FTO: variants seen among roughly 807,000 people sequenced by gnomAD.
FTO encodes alpha-ketoglutarate-dependent dioxygenase FTO.
FTO carries 47 observed loss-of-function variants against 63.9 expected under a neutral mutation model. The ratio of observed to expected loss-of-function variants is 0.74; its 90% confidence interval spans 0.58 to 0.94. The LOEUF is 0.94. Among genes scored for constraint, FTO ranks in the 40% least tolerant of loss-of-function variants. The probability of loss-of-function intolerance (pLI) is 0.00; values close to 1 mark genes in which losing one functional copy is unlikely to be tolerated. For missense variants in FTO, 562 were observed against 618.1 expected, an observed-to-expected ratio of 0.91 and a Z score of 0.96; for synonymous variants, 207 against 224.4, an observed-to-expected ratio of 0.92 and a Z score of 0.69.
At chr16:53,767,338 G>A (rs2077232675) in intron 1 of FTO, among the ~76,000 whole-genome samples, 1 of 152,066 alleles carries the variant, frequency 6.6e-6, no homozygotes, top group Non-Finnish European at 1.5e-5. Flanking sequence ...TTTCTTATTA[G>A]TAGCAGTAGA....
chr16:54,074,913 AGAGAGTGTGTGTGT>A lies in FTO; in HGVS notation c.1365-36847_1365-36834del, dbSNP rs1381461100. Reference sequence around the variant, plus strand: ...GAAAGAGGGAGAGAGAGAGAGAGAGAGAGAGTGTGTGTGTGTGTGTGTGTGTGTGTGTGTGTGTG... The same window carrying A: ...GAAAGAGGGAGAGAGAGAGAGAGAGAGTGTGTGTGTGTGTGTGTGTGTGTG... On this transcript the variant is annotated intron_variant, in intron 8 of 8. Transcript: ENST00000471389. Among the ~76,000 whole-genome samples the A allele has an allele frequency of 2.6e-4, 32 of 125,162 alleles. No homozygotes were observed. In the East Asian group the frequency reaches 3.6e-3, roughly 14 times the overall value. The allele number at this position is 125,162 out of a possible 152,430, so 82.1% of individuals were successfully genotyped here. A position where few individuals can be genotyped will look rare whatever the true frequency, so the allele number is the denominator to read the frequency against.
intron 8 of FTO, among the ~76,000 whole-genome samples, chr16:53,952,861 G>A (rs550747372): frequency 2.5e-4 from 38 of 152,334 alleles, no homozygotes; most frequent in African/African-American, 7.0e-4. Flanking sequence ...GCTCAAGCAG[G>A]TGAGAATTCT....
rs2077686945 is a variant in FTO, at chr16:53,784,734, G to A, written c.46-25406G>A. Among the ~76,000 whole-genome samples, 7 of 152,248 alleles carry A rather than the reference G, an allele frequency of 4.6e-5. No individual in the cohort carries two copies. The South Asian group carries it at 1.5e-3, about 32-fold the overall frequency. On this transcript the variant is annotated intron_variant, in intron 1 of 8. Transcript: ENST00000471389. The stretch of plus-strand genomic sequence containing the variant: ...ATTACCAGTCATTGCATAGATAAAT[G>A]ATGTTCCTTATGTTAAAAAATAAAA...
chr16:53,757,937 T>C (rs754671936), intron 1 of FTO, among the ~76,000 whole-genome samples: 1 of 152,124 alleles, frequency 6.6e-6, no homozygotes, highest in Non-Finnish European at 1.5e-5. Flanking sequence ...TGTTGCAGAG[T>C]GCTGGGTGTA....
intron 1 of FTO, among the ~76,000 whole-genome samples, chr16:53,717,704 T>A (rs2075928016): frequency 6.6e-6 from 1 of 152,094 alleles, no homozygotes; most frequent in Admixed American, 6.5e-5. Flanking sequence ...ATGTAATTGT[T>A]AAAATGTGTC....
At chr16:53,819,715 A>G (rs1204385345) in intron 2 of FTO, among the ~76,000 whole-genome samples, 1 of 152,170 alleles carries the variant, frequency 6.6e-6, no homozygotes, top group Admixed American at 6.5e-5. Context: ...GATTAACTGT[A>G]TATGTGTATA....
intron 8 of FTO, among the ~76,000 whole-genome samples, chr16:53,936,574 T>A (rs1016581002): frequency 5.9e-5 from 9 of 152,202 alleles, no homozygotes; most frequent in Non-Finnish European, 1.0e-4. Flanking sequence ...CTGCAGTGCT[T>A]ACTAAGCAGC....
intron 5 of FTO, among the ~76,000 whole-genome samples, chr16:53,878,895 A>G (rs960440717): frequency 1.3e-5 from 2 of 152,254 alleles, no homozygotes; most frequent in African/African-American, 4.8e-5. Flanking sequence ...GGCTTAAGCC[A>G]AATATTCTCC....
chr16:53,735,850 A>G (rs1389245289), intron 1 of FTO, among the ~76,000 whole-genome samples: 1 of 152,214 alleles, frequency 6.6e-6, no homozygotes, highest in Non-Finnish European at 1.5e-5. Context: ...TCTTGGGGTC[A>G]TCCTTCCTTT....
chr16:53,711,682 C>T (rs1278611741), intron 1 of FTO, among the ~76,000 whole-genome samples: 2 of 152,140 alleles, frequency 1.3e-5, no homozygotes, highest in Non-Finnish European at 2.9e-5. Context: ...AAGTTAGCTT[C>T]AAAGACTCTT....
intron 8 of FTO, chr16:53,979,567 G>GCA: frequency 2.6e-6 from 1 of 380,546 alleles, no homozygotes; most frequent in Non-Finnish European, 4.6e-6. Context: ...GTGTGTGTGT[G>GCA]CGCGCGTGTG....
chr16:54,067,006 C>T (rs1178304881), intron 8 of FTO, among the ~76,000 whole-genome samples: 1 of 152,226 alleles, frequency 6.6e-6, no homozygotes, highest in African/African-American at 2.4e-5. Flanking sequence ...AATGTTATTG[C>T]TCTGTCACTT....
intron 1 of FTO, among the ~76,000 whole-genome samples, chr16:53,793,276 T>G (rs1021068618): frequency 1.3e-4 from 20 of 152,326 alleles, no homozygotes; most frequent in African/African-American, 4.6e-4. Flanking sequence ...TCTTTATTTC[T>G]TTTTTGCTTC....
chr16:53,901,606 A>C (rs1190602186), intron 7 of FTO, among the ~76,000 whole-genome samples: 1 of 151,988 alleles, frequency 6.6e-6, no homozygotes, highest in Non-Finnish European at 1.5e-5. Flanking sequence ...GTGATTGTGC[A>C]CTCTCTGCTG....
intron 1 of FTO, among the ~76,000 whole-genome samples, chr16:53,804,036 A>G (rs1324820081): frequency 2.0e-5 from 3 of 152,158 alleles, no homozygotes; most frequent in Non-Finnish European, 2.9e-5. Flanking sequence ...ACAACAACGA[A>G]TGGTTGCCAA....
intron 3 of FTO, among the ~76,000 whole-genome samples, chr16:53,839,069 G>C (rs752372992): frequency 6.6e-6 from 1 of 152,096 alleles, no homozygotes; most frequent in South Asian, 2.1e-4. Flanking sequence ...AAAGTATTTT[G>C]TGCTTTATTA....
intron 4 of FTO, among the ~76,000 whole-genome samples, chr16:53,855,570 T>C (rs1338680855): frequency 6.6e-6 from 1 of 152,020 alleles, no homozygotes; most frequent in Non-Finnish European, 1.5e-5. Flanking sequence ...CATGGTAGTG[T>C]GTCTTGGTTA....
At chr16:54,048,942 C>G (rs916449201) in intron 8 of FTO, among the ~76,000 whole-genome samples, 1 of 152,180 alleles carries the variant, frequency 6.6e-6, no homozygotes, top group African/African-American at 2.4e-5. Flanking sequence ...TGACAAACTA[C>G]ACGGTTGAAG....
intron 7 of FTO, among the ~76,000 whole-genome samples, chr16:53,930,158 C>T (rs1479861633): frequency 6.6e-6 from 1 of 150,598 alleles, no homozygotes; most frequent in Non-Finnish European, 1.5e-5. Flanking sequence ...CAGCAAGCAA[C>T]AGTATCTCTC....
Sources: gnomAD v4.1 joint callset for allele counts (sites outside exome capture counted in the v4.1 genomes callset) on GRCh38, gnomAD v4.1.1 for gene constraint, MANE v1.5 for transcripts, NCBI Gene and HGNC (gene_info 2026-07-23, HGNC 2026-07-21) for gene names.